CDC14B: variants seen among roughly 807,000 people sequenced by gnomAD.
The protein encoded by CDC14B is cell division cycle 14B, also known as dual specificity protein phosphatase CDC14B.
A neutral mutation model predicts 64.2 loss-of-function variants in CDC14B; 22 were observed. The observed-to-expected ratio is 0.34, with a 90% confidence interval of 0.24 to 0.49. The LOEUF (loss-of-function observed/expected upper bound fraction) is 0.49. Among genes scored for constraint, CDC14B ranks in the 20% least tolerant of loss-of-function variants. The pLI is 0.99. For synonymous variants in CDC14B, 191 were observed against 215.8 expected (o/e 0.89, Z 1.01); for missense variants, 498 against 629.9 (o/e 0.79, Z 2.24).
At chr9:96,610,130 TTTG>T (rs1022211038) in intron 1 of CDC14B, among the ~76,000 whole-genome samples, 108 of 152,192 alleles carry the variant, frequency 7.1e-4, no homozygotes, top group African/African-American at 2.3e-3. Flanking sequence ...CCCATTCAGA[TTTG>T]TTTTTTGCTT....
chr9:96,498,836 C>T (rs1286730540), downstream of CDC14B, among the ~76,000 whole-genome samples: 1 of 152,214 alleles, frequency 6.6e-6, no homozygotes, highest in Non-Finnish European at 1.5e-5. Flanking sequence ...AGGGGATGAG[C>T]AAATCCCGCA....
chr9:96,497,860 C>G (rs578120651), downstream of CDC14B, among the ~76,000 whole-genome samples: 39 of 152,228 alleles, frequency 2.6e-4, no homozygotes, highest in South Asian at 8.1e-3. Flanking sequence ...CAAATCTAAG[C>G]TAAGTGGCAG....
At chr9:96,497,607 C>T (rs1202645078), downstream of CDC14B, among the ~76,000 whole-genome samples, 1 of 152,254 alleles carries the variant, frequency 6.6e-6, no homozygotes, top group East Asian at 1.9e-4. Context: ...AGCGTCACAA[C>T]AGCTGCTAAC....
At chr9:96,516,321 T>C (rs1333333795) in intron 12 of CDC14B, among the ~76,000 whole-genome samples, 2 of 152,170 alleles carry the variant, frequency 1.3e-5, no homozygotes, top group Non-Finnish European at 2.9e-5. Flanking sequence ...GAATGGCACA[T>C]TTTTATAATA....
At chr9:96,605,715 GC>G (rs1008058973) in intron 1 of CDC14B, among the ~76,000 whole-genome samples, 1 of 152,150 alleles carries the variant, frequency 6.6e-6, no homozygotes, top group African/African-American at 2.4e-5. Context: ...TATTTTAAGG[GC>G]CAGGGGCAGG....
At chr9:96,498,507 CTT>C (rs972594535), downstream of CDC14B, among the ~76,000 whole-genome samples, 2 of 152,214 alleles carry the variant, frequency 1.3e-5, no homozygotes, top group African/African-American at 2.4e-5. Flanking sequence ...ACTCTCGAGA[CTT>C]AGCTTCAGCG....
intron 13 of CDC14B, chr9:96,493,326 G>A (rs6477495): frequency 0.24 from 37,247 of 152,316 alleles, 6,365 homozygotes; most frequent in African/African-American, 0.49. Context: ...TGCAAGGACC[G>A]TGGCCCATGT....
intron 5 of CDC14B, among the ~76,000 whole-genome samples, chr9:96,548,143 A>G (rs1254633801): frequency 6.6e-6 from 1 of 152,238 alleles, no homozygotes; most frequent in East Asian, 1.9e-4. Context: ...CTGTTTAAAG[A>G]CTAGGAGACC....
intron 4 of CDC14B, among the ~76,000 whole-genome samples, chr9:96,557,106 A>G (rs1353586766): frequency 6.6e-6 from 1 of 152,194 alleles, no homozygotes; most frequent in African/African-American, 2.4e-5. Flanking sequence ...AGCAAGCACC[A>G]CGGGCAGTGG....
intron 1 of CDC14B, among the ~76,000 whole-genome samples, chr9:96,581,229 T>C (rs1232351854): frequency 6.8e-6 from 1 of 147,696 alleles, no homozygotes; most frequent in Admixed American, 6.7e-5. Flanking sequence ...AGACTCTGTC[T>C]CAAAAAAGAA....
intron 4 of CDC14B, among the ~76,000 whole-genome samples, chr9:96,557,862 A>G (rs1031161594): frequency 1.1e-4 from 17 of 152,354 alleles, no homozygotes; most frequent in African/African-American, 3.6e-4. Flanking sequence ...GCTACGTGCC[A>G]AAAGTTTGCT....
At chr9:96,533,850 T>C (rs1838881780) in intron 9 of CDC14B, 77 bp downstream of exon 9, 3 of 865,876 alleles carry the variant, frequency 3.5e-6, no homozygotes, top group Non-Finnish European at 5.0e-6. Context: ...ACACATAAAC[T>C]AAATGAATAT....
At chr9:96,543,780 G>A (rs2131899386) in intron 5 of CDC14B, among the ~76,000 whole-genome samples, 1 of 152,280 alleles carries the variant, frequency 6.6e-6, no homozygotes, top group Middle Eastern at 3.4e-3. Context: ...TATCTGAATG[G>A]TACTCATTTG....
At chr9:96,517,812 G>C (rs1835971336) in intron 12 of CDC14B, among the ~76,000 whole-genome samples, 1 of 151,326 alleles carries the variant, frequency 6.6e-6, no homozygotes, top group Non-Finnish European at 1.5e-5. Flanking sequence ...GAGACTGCCT[G>C]TTCATGCCAC....
rs78354527 is a variant in CDC14B at position 96,511,664 on chromosome 9, T to C, written c.1344-1875A>G. On this transcript the variant is annotated intron_variant, in intron 12 of 13. Transcript: ENST00000375241. ...TTTCCCCACTATTTCACTTTACTCA[T>C]GCAGGATTTCTGAGGGCCCCATGAA... is the stretch of plus-strand genomic sequence containing the variant. Among the ~76,000 whole-genome samples, 960 of 152,292 alleles carry C rather than the reference T, an allele frequency of 6.3e-3. 10 individuals carry two copies. The highest frequency in any genetic ancestry group is 0.022 in the African/African-American group (912 of 41,566).
At chr9:96,557,831 T>C (rs1842682566) in intron 4 of CDC14B, among the ~76,000 whole-genome samples, 1 of 152,192 alleles carries the variant, frequency 6.6e-6, no homozygotes, top group Admixed American at 6.5e-5. Flanking sequence ...TATTAAACAT[T>C]AGAGGAAAGC....
chr9:96,503,733 C>T lies in CDC14B; in HGVS notation c.*20G>A, dbSNP rs1367750661. 1.2e-6 allele frequency: 2 copies of T among 1,610,524 alleles called. No individual in the cohort carries two copies. Among genetic ancestry groups the T allele is most frequent in the Non-Finnish European group, 1.7e-6 (2 of 1,176,958 alleles). On this transcript the variant is annotated 3_prime_UTR_variant, in exon 14 of 14. Coordinates refer to ENST00000375241, the MANE Select transcript of CDC14B (RefSeq NM_033331.4). ...TTTCAGTCCTAGAGTCTTCCTTCAG[C>T]TCTGGTCACAGGTTTTTACTTAACG...
intron 1 of CDC14B, among the ~76,000 whole-genome samples, chr9:96,597,194 A>G (rs577171029): frequency 5.9e-5 from 9 of 152,278 alleles, no homozygotes; most frequent in African/African-American, 1.9e-4. Flanking sequence ...TACCAATTCA[A>G]GTGATAAGAC....
At chr9:96,518,371 G>A (rs994824876) in intron 12 of CDC14B, among the ~76,000 whole-genome samples, 7 of 151,834 alleles carry the variant, frequency 4.6e-5, no homozygotes, top group Admixed American at 6.6e-5. Context: ...AAAAATTAGC[G>A]AGGCGTGGTG....
Sources: allele counts gnomAD v4.1 joint callset (sites outside exome capture counted in the v4.1 genomes callset), GRCh38; gene constraint gnomAD v4.1.1; transcripts MANE v1.5; gene names NCBI Gene and HGNC (gene_info 2026-07-23, HGNC 2026-07-21).